The following ANO2 variants were observed in gnomAD, a reference collection of about 807,000 sequenced individuals.
ANO2 encodes anoctamin-2.
ANO2 carries 101 observed loss-of-function variants against 124.2 expected under a neutral mutation model. The observed-to-expected ratio is 0.81, with a 90% confidence interval of 0.69 to 0.96. ANO2 has a LOEUF of 0.96. Among genes scored for constraint, ANO2 ranks in the 40% least tolerant of loss-of-function variants. The pLI is 0.00. For missense variants in ANO2, 1,293 were observed against 1,274.5 expected (o/e 1.01, Z -0.22); for synonymous variants, 486 against 482.5 (o/e 1.01, Z -0.09).
At chr12:5,564,950 C>T (rs958492042) in intron 24 of ANO2, among the ~76,000 whole-genome samples, 4 of 152,130 alleles carry the variant, frequency 2.6e-5, no homozygotes, top group East Asian at 1.9e-4. Flanking sequence ...GCTTGAAGAC[C>T]GGGGGCACCC....
chr12:5,641,994 A>G (rs755875658), intron 15 of ANO2, among the ~76,000 whole-genome samples: 1 of 152,170 alleles, frequency 6.6e-6, no homozygotes, highest in Admixed American at 6.5e-5. Context: ...GTTGTTGATG[A>G]TGATGATGAT....
At chr12:5,639,416 A>G (rs549856064) in intron 15 of ANO2, among the ~76,000 whole-genome samples, 2 of 152,306 alleles carry the variant, frequency 1.3e-5, no homozygotes, top group South Asian at 2.1e-4. Context: ...AGAAAGCACT[A>G]CCCTCACAGA....
intron 15 of ANO2, among the ~76,000 whole-genome samples, chr12:5,637,013 G>T (rs1386891362): frequency 1.3e-5 from 2 of 151,664 alleles, no homozygotes; most frequent in African/African-American, 4.9e-5. Flanking sequence ...GTGGGTGTGG[G>T]GAGAGGAGAG....
rs1326859077 is a variant in ANO2, at chr12:5,636,579, C to T, written c.1621-1232G>A. ...GAGAGAAAACAGCAGGTGGAAGGCT[C>T]CCTGAAAAAATAAGCTGTGCTGGAC... On this transcript the variant is annotated intron_variant, in intron 15 of 24. Transcript: ENST00000682330. This position sits in a 1 kb window ranked among gnomAD's most constrained non-coding sequence, Gnocchi z 4.6. 6.8e-6 allele frequency among the ~76,000 whole-genome samples: 1 copy of T among 147,298 alleles called. No homozygotes were observed. The highest frequency in any genetic ancestry group is 2.5e-5 in the African/African-American group (1 of 40,308).
At chr12:5,692,151 G>A (rs1948971805) in intron 14 of ANO2, among the ~76,000 whole-genome samples, 1 of 152,146 alleles carries the variant, frequency 6.6e-6, no homozygotes, top group Admixed American at 6.5e-5. Context: ...CAATACCCCT[G>A]GCAAGAACTG....
chr12:5,599,076 G>A (rs539781625), intron 20 of ANO2, among the ~76,000 whole-genome samples: 6 of 152,196 alleles, frequency 3.9e-5, no homozygotes, highest in East Asian at 3.9e-4. Context: ...AAGTGTCATC[G>A]GATACTTTCC....
chr12:5,806,885 A>G lies in ANO2; in HGVS notation c.948+428T>C, dbSNP rs185310159. On this transcript the variant is annotated intron_variant, in intron 8 of 24. Transcript: ENST00000682330. ...TGCACAAAACTCTCCCATACAAAAT[A>G]TCACTTTCAGGCAGCTAAGGAGACG... 1.8e-4 allele frequency among the ~76,000 whole-genome samples: 27 copies of G among 152,326 alleles called. No individual in the cohort carries two copies. In the East Asian group the frequency reaches 5.0e-3, roughly 28 times the overall value.
chr12:5,695,771 G>T (rs1025681425), intron 14 of ANO2, among the ~76,000 whole-genome samples: 10 of 150,920 alleles, frequency 6.6e-5, no homozygotes, highest in African/African-American at 2.4e-4. Flanking sequence ...AACCTGGGAG[G>T]CGGAGGTTTT....
In ANO2 at chr12:5,565,610, T is replaced by G; in HGVS notation, c.2675A>C (p.Lys892Thr). Residue 892 changes from lysine (K) to threonine (T), a missense_variant, in exon 24 of 25, where the codon AAA (lysine) becomes ACA (threonine). Physicochemically the swap from Lys to Thr is moderately conservative, Grantham distance 78. Transcript: ENST00000682330. ...PWAPNPYEFS[K>T]QYWFILSARL... ...GGCGGACAGAATAAACCAGTACTGT[T>G]TCGAAAACTCATAAGGGTTCGGGGC... 1 of 1,606,282 alleles carries G rather than the reference T, an allele frequency of 6.2e-7. No individual in the cohort carries two copies.
At chr12:5,614,257 G>A (rs1944683875) in intron 17 of ANO2, among the ~76,000 whole-genome samples, 1 of 152,132 alleles carries the variant, frequency 6.6e-6, no homozygotes, top group East Asian at 1.9e-4. Flanking sequence ...TAAATCCTTG[G>A]AATTTCCCTC....
rs535664913 is a variant in ANO2 at position 5,925,358 on chromosome 12, C to G, written c.23-2554G>C. 6.6e-6 allele frequency among the ~76,000 whole-genome samples: 1 copy of G among 152,318 alleles called. No individual in the cohort carries two copies. The highest frequency in any genetic ancestry group is 2.1e-4 in the South Asian group (1 of 4,818). On this transcript the variant is annotated intron_variant, in intron 1 of 24. Coordinates refer to ENST00000682330, the MANE Select transcript of ANO2 (RefSeq NM_001364791.2). This position sits in a 1 kb window ranked among gnomAD's most constrained non-coding sequence, Gnocchi z 4.6. ...CTCACTAGCCATCGCAGTTGCTCCC[C>G]CGGCTCGCTCTCTGACACACGGATC...
At chr12:5,809,789 C>T (rs866817440) in intron 7 of ANO2, among the ~76,000 whole-genome samples, 2 of 152,188 alleles carry the variant, frequency 1.3e-5, no homozygotes, top group African/African-American at 2.4e-5. Flanking sequence ...GCCTGACCTG[C>T]GTCAGAGAGC....
Position 5,584,161 on chromosome 12 carries a change from T to C in ANO2, c.2234-5643A>G, listed in dbSNP as rs1347639195. ...CCCCCCGCCGCAAGAATATTAATGT[T>C]GATCATGTCAACAGACTGGCACACG... On this transcript the variant is annotated intron_variant, in intron 20 of 24. Transcript: ENST00000682330. The C allele has an allele frequency of 2.4e-5, 4 of 163,748 alleles. No homozygotes were observed. In the East Asian group the frequency reaches 5.8e-4, roughly 24 times the overall value. 10.1% of individuals were successfully genotyped at this position (163,748 alleles called of 1,614,324 possible).
chr12:5,874,723 C>G (rs1229087803), intron 3 of ANO2, among the ~76,000 whole-genome samples: 1 of 152,206 alleles, frequency 6.6e-6, no homozygotes, highest in Non-Finnish European at 1.5e-5. Flanking sequence ...AGCTCATCTT[C>G]CTCTGAACTG....
chr12:5,833,573 G>A (rs143714718), intron 4 of ANO2, among the ~76,000 whole-genome samples: 178 of 152,266 alleles, frequency 1.2e-3, no homozygotes, highest in African/African-American at 4.1e-3. Flanking sequence ...CAAACTGACC[G>A]GTACTGGTCC....
chr12:5,816,463 T>G (rs1463805068), intron 7 of ANO2, among the ~76,000 whole-genome samples: 2 of 152,074 alleles, frequency 1.3e-5, no homozygotes, highest in Non-Finnish European at 2.9e-5. Flanking sequence ...TTCAGTCACA[T>G]GTCTCTTGTT....
chr12:5,621,824 GAAGA>G (rs1945133050), intron 16 of ANO2, among the ~76,000 whole-genome samples: 1 of 151,958 alleles, frequency 6.6e-6, no homozygotes, highest in Non-Finnish European at 1.5e-5. Context: ...AGAAGAGGAA[GAAGA>G]AAGAGAAGGG....
intron 3 of ANO2, among the ~76,000 whole-genome samples, chr12:5,857,577 AGAT>A (rs1955137473): frequency 1.3e-5 from 2 of 152,190 alleles, no homozygotes; most frequent in South Asian, 4.1e-4. Flanking sequence ...AACTGGGGTG[AGAT>A]GATATCTAAT....
chr12:5,651,462 C>T (rs543956015), intron 14 of ANO2, among the ~76,000 whole-genome samples: 1 of 151,836 alleles, frequency 6.6e-6, no homozygotes, highest in Non-Finnish European at 1.5e-5. Context: ...ACTCTGCCAC[C>T]CAGGCTGGAG....
Sources: gnomAD v4.1 joint callset for allele counts (sites outside exome capture counted in the v4.1 genomes callset) on GRCh38, gnomAD v4.1.1 for gene constraint, Gnocchi (gnomAD v3.1) non-coding constraint, MANE v1.5 for transcripts, NCBI Gene and HGNC (gene_info 2026-07-23, HGNC 2026-07-21) for gene names.